ATG4B: variants seen among roughly 807,000 people sequenced by gnomAD.
ATG4B encodes the protein cysteine protease ATG4B.
In ATG4B, 29 loss-of-function variants were observed where a neutral mutation model predicts 56.6. The observed-to-expected ratio is 0.51, with a 90% CI of 0.38 to 0.70. ATG4B has a LOEUF of 0.70. Among genes scored for constraint, ATG4B ranks in the 30% least tolerant of loss-of-function variants. The pLI is 0.00. For synonymous variants in ATG4B, 224 were observed against 206.1 expected (o/e 1.09, Z -0.74); for missense variants, 461 against 515.5 (o/e 0.89, Z 1.02).
intron 7 of ATG4B, 168 bp from the exon 8 acceptor site, chr2:241,666,477 T>C: frequency 1.4e-6 from 1 of 698,910 alleles, no homozygotes; most frequent in East Asian, 2.7e-5. Flanking sequence ...GGCAAGATTA[T>C]GAAAAAATTT....
At chr2:241,669,233 C>T (rs1464040055) in intron 10 of ATG4B, among the ~76,000 whole-genome samples, 1 of 152,144 alleles carries the variant, frequency 6.6e-6, no homozygotes, top group Admixed American at 6.5e-5. Context: ...GCAGACCTGC[C>T]TGCCCTCAAA....
At chr2:241,662,592 C>T (rs577952706) in intron 7 of ATG4B, among the ~76,000 whole-genome samples, 30 of 152,132 alleles carry the variant, frequency 2.0e-4, no homozygotes, top group Non-Finnish European at 3.7e-4. Context: ...AGCAACCGGC[C>T]CAGCTACGCA....
At chr2:241,658,451 G>C (rs770803808) in intron 6 of ATG4B, among the ~76,000 whole-genome samples, 2 of 151,636 alleles carry the variant, frequency 1.3e-5, no homozygotes, top group Non-Finnish European at 1.5e-5. Flanking sequence ...TTCTGTCCCC[G>C]GGAGCACCAG....
chr2:241,668,373 C>A lies in ATG4B; in HGVS notation c.811+152C>A. On this transcript the variant is annotated intron_variant, in intron 9 of 12. Transcript: ENST00000404914. This position sits in a 1 kb window ranked among gnomAD's most constrained non-coding sequence, Gnocchi z 4.2. ...TTTTCAGCCTGGTCGCGGGCGGCCTCCTGTGTGCCCCTTTCCCTGATGGTC... is the reference window on the plus strand; with the variant it reads ...TTTTCAGCCTGGTCGCGGGCGGCCTACTGTGTGCCCCTTTCCCTGATGGTC... 7.4e-7 allele frequency: 1 copy of A among 1,348,960 alleles called. No individual in the cohort carries two copies. The highest frequency in any genetic ancestry group is 1.3e-5 in the South Asian group (1 of 79,258). The allele number at this position is 1,348,960 out of a possible 1,614,324, so 83.6% of individuals were successfully genotyped here.
rs960767653 is a variant in ATG4B, at chr2:241,659,714, T to G, written c.538+527T>G. 3 of 214,436 alleles carry G rather than the reference T, an allele frequency of 1.4e-5. No homozygotes were observed. The Admixed American group carries it at 1.6e-4, about 11-fold the overall frequency. The allele number at this position is 214,436 out of a possible 1,614,324, so 13.3% of individuals were successfully genotyped here. Reference sequence around the variant, plus strand: ...AGTTTTAACAAATGGGCTCATTGAGTGAGTTCCAAATTCATGTTTCACCTT... The same window carrying G: ...AGTTTTAACAAATGGGCTCATTGAGGGAGTTCCAAATTCATGTTTCACCTT... On this transcript the variant is annotated intron_variant, in intron 7 of 12. Coordinates refer to ENST00000404914, the MANE Select transcript of ATG4B (RefSeq NM_013325.5).
chr2:241,671,824 GAAGT>G, intron 12 of ATG4B: 1 of 1,277,610 alleles, frequency 7.8e-7, no homozygotes, highest in Non-Finnish European at 1.0e-6. Flanking sequence ...CTCGTGCAGT[GAAGT>G]GAGTGGCCGT....
chr2:241,660,705 C>T (rs574414322), intron 7 of ATG4B, among the ~76,000 whole-genome samples: 1 of 151,950 alleles, frequency 6.6e-6, no homozygotes, highest in African/African-American at 2.4e-5. Context: ...CAAAAACTTA[C>T]ATAGTTTCCT....
intron 1 of ATG4B, among the ~76,000 whole-genome samples, chr2:241,648,276 G>A (rs1056811016): frequency 6.6e-6 from 1 of 152,142 alleles, no homozygotes; most frequent in South Asian, 2.1e-4. Context: ...GTCTCTGAAA[G>A]CATGGACAAG....
intron 10 of ATG4B, 126 bp from the exon 11 acceptor site, chr2:241,670,600 T>C (rs1196994848): frequency 1.4e-5 from 13 of 905,866 alleles, no homozygotes; most frequent in Non-Finnish European, 1.4e-5. Context: ...CAAGGCAGGC[T>C]GGAATGTCCA....
At chr2:241,645,830 C>T (rs2068045146) in intron 1 of ATG4B, among the ~76,000 whole-genome samples, 1 of 152,068 alleles carries the variant, frequency 6.6e-6, no homozygotes, top group Non-Finnish European at 1.5e-5. Context: ...GTATGACTCG[C>T]TCCCAACAGA....
chr2:241,667,024 G>A (rs973876037), intron 8 of ATG4B, among the ~76,000 whole-genome samples, 186 bp downstream of exon 8: 5 of 152,208 alleles, frequency 3.3e-5, no homozygotes, highest in East Asian at 1.9e-4. Context: ...CAGTAGGCAC[G>A]TGCTGCTTTC....
rs972946564 is a variant in ATG4B, at chr2:241,670,321, G to A, written c.958-405G>A. 2.6e-5 allele frequency among the ~76,000 whole-genome samples: 4 copies of A among 152,082 alleles called. No homozygotes were observed. In the South Asian group the frequency reaches 6.3e-4, roughly 24 times the overall value. ...CCTTGGGCAGTTCTCGGTGGCCTTT[G>A]CCGCCAAGCTTCCAGGGAGCTGCTG... On this transcript the variant is annotated intron_variant, in intron 10 of 12. Coordinates refer to ENST00000404914, the MANE Select transcript of ATG4B (RefSeq NM_013325.5).
chr2:241,653,484 G>A lies in ATG4B; in HGVS notation c.185-28G>A, dbSNP rs866001243. The A allele has an allele frequency of 9.0e-6, 14 of 1,558,758 alleles. 1 individual carries two copies. In the Middle Eastern group the frequency reaches 1.8e-3, roughly 203 times the overall value. ...GGCCTGTGGGGCCATCTGGCCATGA[G>A]CACTTCTCTCTCTGTCTGCCACGAC... On this transcript the variant is annotated intron_variant, in intron 3 of 12. Coordinates refer to ENST00000404914, the MANE Select transcript of ATG4B (RefSeq NM_013325.5).
rs1271945728 is a variant in ATG4B, at chr2:241,672,390, C to T, written c.*126C>T. 2.4e-5 allele frequency: 20 copies of T among 848,604 alleles called. No homozygotes were observed. Among genetic ancestry groups the T allele is most frequent in the South Asian group, 1.3e-4 (8 of 61,592 alleles). 52.6% of individuals were successfully genotyped at this position (848,604 alleles called of 1,614,324 possible). ...TGCTGCCTCCCCCCAGAGGGCCACC[C>T]GCTGTGCTCGTGGACTGAGGCTGCG... On this transcript the variant is annotated 3_prime_UTR_variant, in exon 13 of 13. Transcript: ENST00000404914.
At chr2:241,655,813 G>A (rs575466833) in intron 6 of ATG4B, among the ~76,000 whole-genome samples, 3 of 152,224 alleles carry the variant, frequency 2.0e-5, no homozygotes, top group South Asian at 2.1e-4. Flanking sequence ...GCTCCGCACC[G>A]CTTCCTTTCG....
chr2:241,668,330 A>G lies in ATG4B; in HGVS notation c.811+109A>G. On this transcript the variant is annotated intron_variant, in intron 9 of 12. Coordinates refer to ENST00000404914, the MANE Select transcript of ATG4B (RefSeq NM_013325.5). This position sits in a 1 kb window ranked among gnomAD's most constrained non-coding sequence, Gnocchi z 4.2. Reference sequence around the variant, plus strand: ...CACTTGAGGCCACTGGTGGAAAAGCAGCATGCCCTGGGGTTCATTTTCAGC... The same window carrying G: ...CACTTGAGGCCACTGGTGGAAAAGCGGCATGCCCTGGGGTTCATTTTCAGC... 1 of 1,411,792 alleles carries G rather than the reference A, an allele frequency of 7.1e-7. No homozygotes were observed. The highest frequency in any genetic ancestry group is 2.5e-5 in the East Asian group (1 of 40,106). 87.5% of individuals were successfully genotyped at this position (1,411,792 alleles called of 1,614,324 possible).
intron 1 of ATG4B, among the ~76,000 whole-genome samples, chr2:241,643,705 C>T (rs985761054): frequency 5.3e-5 from 7 of 131,264 alleles, no homozygotes; most frequent in Admixed American, 1.5e-4. Context: ...CCCCCCCCCC[C>T]GTCGTCCAGG....
chr2:241,645,148 G>A (rs1471861901), intron 1 of ATG4B, among the ~76,000 whole-genome samples: 2 of 152,144 alleles, frequency 1.3e-5, no homozygotes, highest in Non-Finnish European at 2.9e-5. Context: ...GGCCTGCCGA[G>A]GGCATTCCTT....
chr2:241,654,903 T>G, intron 5 of ATG4B: 2 of 577,468 alleles, frequency 3.5e-6, no homozygotes, highest in South Asian at 4.3e-5. Flanking sequence ...TGCCTGGTGC[T>G]CGGCACAGTC....
Sources: gnomAD v4.1 joint callset for allele counts (sites outside exome capture counted in the v4.1 genomes callset) on GRCh38, gnomAD v4.1.1 for gene constraint, Gnocchi (gnomAD v3.1) non-coding constraint, MANE v1.5 for transcripts, NCBI Gene and HGNC (gene_info 2026-07-23, HGNC 2026-07-21) for gene names.